The following NEDD4L variants were observed in gnomAD, a reference collection of about 807,000 sequenced individuals.
NEDD4L encodes the protein NEDD4 like E3 ubiquitin protein ligase.
A neutral mutation model predicts 148.9 loss-of-function variants in NEDD4L; 54 were observed. The ratio of observed to expected loss-of-function variants is 0.36; its 90% CI spans 0.29 to 0.45. NEDD4L has a LOEUF of 0.45. Among genes scored for constraint, NEDD4L ranks in the 20% least tolerant of loss-of-function variants. NEDD4L has a pLI of 1.00. For synonymous variants in NEDD4L, 433 were observed against 440.7 expected (o/e 0.98, Z 0.22); for missense variants, 856 against 1,233.8 (o/e 0.69, Z 4.59).
chr18:58,268,175 G>A (rs889915742), intron 5 of NEDD4L, among the ~76,000 whole-genome samples: 4 of 152,046 alleles, frequency 2.6e-5, no homozygotes, highest in African/African-American at 9.7e-5. Context: ...GGGGCTCAGA[G>A]CCCGACCAAA....
intron 1 of NEDD4L, among the ~76,000 whole-genome samples, chr18:58,093,582 T>C (rs942883918): frequency 1.1e-4 from 16 of 152,310 alleles, no homozygotes; most frequent in African/African-American, 3.6e-4. Context: ...ACTGTGCGCA[T>C]ATTCATGTTT....
chr18:58,396,218 G>C lies in NEDD4L; in HGVS notation c.2877G>C (p.Glu959Asp), dbSNP rs1341135583. The change falls in exon 31 of 31, where the codon GAG becomes GAC. Residue 959 changes from glutamate (E) to aspartate (D), a missense_variant. Glu to Asp is a conservative substitution (Grantham distance 45). Around this residue, in one of 4 missense-constraint regions of NEDD4L, gnomAD observed 286 missense variants for 531.8 expected, o/e 0.54. Transcript: ENST00000400345. Reference protein sequence around the residue: ...PPYETFEDLREKLLMAVENAQ... With the variant: ...PPYETFEDLRDKLLMAVENAQ... ...ATGAAACCTTTGAAGATTTACGAGA[G>C]AAACTTCTCATGGCCGTGGAAAATG... is the stretch of plus-strand genomic sequence containing the variant. The C allele has an allele frequency of 6.2e-7, 1 of 1,613,608 alleles. No homozygotes were observed. Among genetic ancestry groups the C allele is most frequent in the East Asian group, 2.2e-5 (1 of 44,904 alleles).
chr18:58,169,483 C>T (rs772630618), intron 2 of NEDD4L, among the ~76,000 whole-genome samples: 4 of 151,854 alleles, frequency 2.6e-5, no homozygotes, highest in Non-Finnish European at 4.4e-5. Context: ...TCAGAGACAT[C>T]CAGCCTTTAT....
intron 18 of NEDD4L, among the ~76,000 whole-genome samples, chr18:58,353,300 C>A (rs2044160099): frequency 6.6e-6 from 1 of 152,194 alleles, no homozygotes; most frequent in African/African-American, 2.4e-5. Context: ...TAGAGCAGCA[C>A]CCCCGAGGCT....
intron 2 of NEDD4L, among the ~76,000 whole-genome samples, chr18:58,208,041 T>TCAA (rs552503395): frequency 0.016 from 2,381 of 151,936 alleles, 23 homozygotes; most frequent in Non-Finnish European, 0.023. Flanking sequence ...AGACTCTGTC[T>TCAA]CAACAACAAC....
chr18:58,153,803 C>T (rs372278819), intron 1 of NEDD4L, among the ~76,000 whole-genome samples: 7 of 152,100 alleles, frequency 4.6e-5, no homozygotes, highest in African/African-American at 1.2e-4. Context: ...CCCGCCACCA[C>T]GCCTGGCAAG....
intron 1 of NEDD4L, among the ~76,000 whole-genome samples, chr18:58,084,491 G>A (rs1323670476): frequency 6.6e-6 from 1 of 152,070 alleles, no homozygotes; most frequent in African/African-American, 2.4e-5. Context: ...AGTTTTTGAG[G>A]GCTGCCATAG....
intron 27 of NEDD4L, chr18:58,388,811 G>A: frequency 2.2e-6 from 1 of 448,574 alleles, no homozygotes; most frequent in Non-Finnish European, 4.1e-6. Context: ...AGACTAGAGG[G>A]GTAGGGAGGA....
At chr18:58,103,494 A>G (rs550001890) in intron 1 of NEDD4L, among the ~76,000 whole-genome samples, 12 of 152,246 alleles carry the variant, frequency 7.9e-5, no homozygotes, top group Admixed American at 6.5e-4. Context: ...TAACAGATGC[A>G]TGTCAGAATC....
intron 5 of NEDD4L, among the ~76,000 whole-genome samples, chr18:58,307,985 T>TA (rs1389195671): frequency 6.6e-6 from 1 of 152,148 alleles, no homozygotes; most frequent in Admixed American, 6.5e-5. Flanking sequence ...GATTTGATTT[T>TA]AAAAAAGTAG....
intron 1 of NEDD4L, among the ~76,000 whole-genome samples, chr18:58,111,902 C>T (rs564020410): frequency 1.3e-5 from 2 of 152,184 alleles, no homozygotes; most frequent in African/African-American, 2.4e-5. Flanking sequence ...ACATTCCCCC[C>T]CAGCAGTGTC....
At chr18:58,179,331 A>T (rs1268247719) in intron 2 of NEDD4L, among the ~76,000 whole-genome samples, 1 of 152,196 alleles carries the variant, frequency 6.6e-6, no homozygotes, top group South Asian at 2.1e-4. Context: ...ATGTCAAAAT[A>T]TCAGAAACTG....
At chr18:58,344,847 C>T (rs533504709) in intron 16 of NEDD4L, among the ~76,000 whole-genome samples, 12 of 152,164 alleles carry the variant, frequency 7.9e-5, no homozygotes, top group South Asian at 2.1e-4. Context: ...TAAGGGCTAA[C>T]GAATATAAAA....
At chr18:58,047,401 C>T in intron 1 of NEDD4L, 1 of 984,982 alleles carries the variant, frequency 1.0e-6, no homozygotes, top group Non-Finnish European at 1.2e-6. Flanking sequence ...GAGCTCTCTG[C>T]ACTGCTGATG....
chr18:58,195,619 A>ACCAGGATTTCTCCTCGC, intron 2 of NEDD4L: 2 of 1,348,294 alleles, frequency 1.5e-6, no homozygotes, highest in Non-Finnish European at 2.0e-6. Context: ...GCTGGCGGAG[A>ACCAGGATTTCTCCTCGC]CCAGGATTTC....
chr18:58,300,025 C>A (rs541856262), intron 5 of NEDD4L, among the ~76,000 whole-genome samples: 1 of 152,262 alleles, frequency 6.6e-6, no homozygotes, highest in South Asian at 2.1e-4. Context: ...GTAAAATCAG[C>A]CACATCCATG....
At position 58,342,933 on chromosome 18, in the gene NEDD4L, G is replaced by A. The variant is rs778955783; in HGVS notation, c.1405G>A (p.Ala469Thr). Residue 469 changes from alanine to threonine, a missense_variant, in exon 16 of 31, where the codon GCT becomes ACT. Ala to Thr is a moderately conservative substitution (Grantham distance 58). Coordinates refer to ENST00000400345, the MANE Select transcript of NEDD4L (RefSeq NM_001144967.3). ...EGAKDSPVRR[A>T]VKDTLSNPQS... is the part of the protein sequence containing the mutation. ...TGCCAAGGACTCACCCGTACGTCGG[G>A]CTGTGAAAGACACCCTTTCCAACCC... The A allele has an allele frequency of 1.4e-5, 22 of 1,611,596 alleles. 1 individual carries two copies. In the South Asian group the frequency reaches 2.4e-4, roughly 18 times the overall value.
chr18:58,226,145 A>G (rs2044326160), intron 2 of NEDD4L, among the ~76,000 whole-genome samples: 2 of 152,154 alleles, frequency 1.3e-5, no homozygotes, highest in Non-Finnish European at 2.9e-5. Flanking sequence ...GGAAAAAAAT[A>G]TTTCCACTCA....
intron 2 of NEDD4L, among the ~76,000 whole-genome samples, chr18:58,219,385 T>G (rs1185568911): frequency 6.6e-6 from 1 of 152,146 alleles, no homozygotes; most frequent in Non-Finnish European, 1.5e-5. Flanking sequence ...TTATTAGAAA[T>G]GTCAATTGTC....
Sources: gnomAD v4.1 joint callset for allele counts (sites outside exome capture counted in the v4.1 genomes callset) on GRCh38, gnomAD v4.1.1 for gene constraint, gnomAD v4.1.1 regional missense constraint, MANE v1.5 for transcripts, NCBI Gene and HGNC (gene_info 2026-07-23, HGNC 2026-07-21) for gene names.